FSTL5: variants seen among roughly 807,000 people sequenced by gnomAD.
FSTL5 encodes follistatin like 5.
FSTL5 carries 62 observed loss-of-function variants against 89.1 expected under a neutral mutation model. The ratio of observed to expected loss-of-function variants is 0.70; its 90% CI spans 0.57 to 0.86. FSTL5 has a LOEUF of 0.86. Ranked by LOEUF, FSTL5 falls within the 40% of genes least tolerant of loss-of-function variation. The probability of loss-of-function intolerance (pLI) is 0.00; values close to 1 mark genes in which losing one functional copy is unlikely to be tolerated. For missense variants in FSTL5, 1,057 were observed against 1,001.6 expected (o/e 1.06, Z -0.75); for synonymous variants, 383 against 346.2 (o/e 1.11, Z -1.18).
chr4:161,948,696 C>T (rs1374963101), intron 3 of FSTL5, among the ~76,000 whole-genome samples: 1 of 151,918 alleles, frequency 6.6e-6, no homozygotes, highest in Admixed American at 6.6e-5. Context: ...GATCCGCCCG[C>T]CTTGGCCTCC....
At chr4:161,574,678 C>A (rs1733148853) in intron 8 of FSTL5, among the ~76,000 whole-genome samples, 1 of 152,146 alleles carries the variant, frequency 6.6e-6, no homozygotes, top group African/African-American at 2.4e-5. Flanking sequence ...CATGTCCCTG[C>A]AAAGGACATT....
chr4:161,586,981 GA>G (rs1733637396), intron 8 of FSTL5, among the ~76,000 whole-genome samples: 2 of 152,134 alleles, frequency 1.3e-5, no homozygotes, highest in African/African-American at 4.8e-5. Flanking sequence ...CAAGAATAAA[GA>G]AAAGCTCTGA....
At chr4:162,103,528 GT>G (rs1358262209) in intron 2 of FSTL5, among the ~76,000 whole-genome samples, 1 of 152,200 alleles carries the variant, frequency 6.6e-6, no homozygotes, top group Admixed American at 6.5e-5. Flanking sequence ...AGCAGAGATA[GT>G]AACCTCCATT....
At chr4:161,605,326 T>G (rs1399099953) in intron 7 of FSTL5, among the ~76,000 whole-genome samples, 1 of 152,298 alleles carries the variant, frequency 6.6e-6, no homozygotes, top group African/African-American at 2.4e-5. Flanking sequence ...CTGAGCCACA[T>G]TGATACATTT....
chr4:161,402,973 C>T (rs1731233353), intron 15 of FSTL5, among the ~76,000 whole-genome samples: 1 of 151,956 alleles, frequency 6.6e-6, no homozygotes, highest in Non-Finnish European at 1.5e-5. Context: ...AGGTGCCTGC[C>T]ACCACGCCCG....
In FSTL5 at chr4:161,587,181, C is replaced by T. The variant is rs60325532; in HGVS notation, c.1015+274G>A. 2.3e-3 allele frequency among the ~76,000 whole-genome samples: 343 copies of T among 151,476 alleles called. 1 individual carries two copies. The highest frequency in any genetic ancestry group is 6.8e-3 in the Middle Eastern group (2 of 292). The stretch of plus-strand genomic sequence containing the variant: ...CTTGCCTAATTGTTAATATTCTAAA[C>T]GAAAAAATAATGTAAATTTCTTGTG... On this transcript the variant is annotated intron_variant, in intron 8 of 15. Coordinates refer to ENST00000306100, the MANE Select transcript of FSTL5 (RefSeq NM_020116.5).
chr4:162,086,122 T>C (rs920132992), intron 2 of FSTL5, among the ~76,000 whole-genome samples: 7 of 152,034 alleles, frequency 4.6e-5, no homozygotes, highest in African/African-American at 1.7e-4. Context: ...ATTTAATGTG[T>C]TTTTTAATCA....
intron 8 of FSTL5, among the ~76,000 whole-genome samples, chr4:161,544,920 G>A (rs1240139342): frequency 6.6e-6 from 1 of 151,852 alleles, no homozygotes; most frequent in Non-Finnish European, 1.5e-5. Context: ...ATTAACTAGT[G>A]ATGAATACAA....
chr4:161,867,474 T>C (rs1732130168), intron 4 of FSTL5, among the ~76,000 whole-genome samples: 1 of 151,952 alleles, frequency 6.6e-6, no homozygotes. Flanking sequence ...ATGAATATTA[T>C]GGTTAACTTT....
chr4:161,490,386 C>T (rs772313937), intron 12 of FSTL5, among the ~76,000 whole-genome samples: 4 of 152,096 alleles, frequency 2.6e-5, no homozygotes, highest in Non-Finnish European at 5.9e-5. Context: ...TTATTAATTA[C>T]TTTTCTAGAT....
intron 1 of FSTL5, among the ~76,000 whole-genome samples, chr4:162,128,761 C>A (rs1248390491): frequency 6.6e-6 from 1 of 151,970 alleles, no homozygotes; most frequent in Non-Finnish European, 1.5e-5. Flanking sequence ...CTATGTATTT[C>A]ATTATTTAGT....
intron 4 of FSTL5, among the ~76,000 whole-genome samples, chr4:161,807,196 TAC>T (rs10561299): frequency 0.015 from 2,194 of 146,576 alleles, 31 homozygotes; most frequent in East Asian, 0.077. Flanking sequence ...CACATGAGAA[TAC>T]ACACACACAC....
At chr4:161,734,732 G>A (rs1367799894) in intron 6 of FSTL5, among the ~76,000 whole-genome samples, 1 of 152,092 alleles carries the variant, frequency 6.6e-6, no homozygotes, top group Non-Finnish European at 1.5e-5. Context: ...TCACACCAAA[G>A]CAATCAACAC....
chr4:162,054,396 C>G (rs1738472910), intron 2 of FSTL5, among the ~76,000 whole-genome samples: 1 of 151,640 alleles, frequency 6.6e-6, no homozygotes, highest in Non-Finnish European at 1.5e-5. Flanking sequence ...TATTCACAAT[C>G]CATATTTCCA....
At chr4:161,686,764 T>A (rs918887761) in intron 6 of FSTL5, among the ~76,000 whole-genome samples, 1 of 152,130 alleles carries the variant, frequency 6.6e-6, no homozygotes, top group Non-Finnish European at 1.5e-5. Context: ...TCCATCTCTA[T>A]CAGATTTTGT....
intron 12 of FSTL5, among the ~76,000 whole-genome samples, chr4:161,491,534 A>G (rs1729873949): frequency 1.3e-5 from 2 of 152,050 alleles, no homozygotes; most frequent in African/African-American, 4.8e-5. Flanking sequence ...GGATGGAAGC[A>G]ATAACACTTA....
intron 5 of FSTL5, among the ~76,000 whole-genome samples, chr4:161,774,652 G>T (rs918723334): frequency 6.8e-6 from 1 of 146,762 alleles, no homozygotes; most frequent in Non-Finnish European, 1.5e-5. Flanking sequence ...CAAAACAATT[G>T]ATAAAAATTA....
intron 15 of FSTL5, among the ~76,000 whole-genome samples, chr4:161,431,221 C>T (rs1329884869): frequency 6.6e-6 from 1 of 151,872 alleles, no homozygotes; most frequent in Non-Finnish European, 1.5e-5. Flanking sequence ...AAAAATGAAC[C>T]TATCAAAATA....
chr4:162,027,597 A>G (rs1402856480), intron 3 of FSTL5, among the ~76,000 whole-genome samples: 1 of 152,184 alleles, frequency 6.6e-6, no homozygotes, highest in Non-Finnish European at 1.5e-5. Context: ...TAAATAGTAA[A>G]GATCATAAAT....
Sources: gnomAD v4.1 joint callset for allele counts (sites outside exome capture counted in the v4.1 genomes callset) on GRCh38, gnomAD v4.1.1 for gene constraint, MANE v1.5 for transcripts, NCBI Gene and HGNC (gene_info 2026-07-23, HGNC 2026-07-21) for gene names.